Variants in HYDIN observed in about 807,000 individuals in gnomAD.
HYDIN encodes the protein HYDIN axonemal central pair apparatus protein.
In HYDIN, 132 loss-of-function variants were observed where a neutral mutation model predicts 403.9. The ratio of observed to expected loss-of-function variants is 0.33; its 90% CI spans 0.28 to 0.38. The LOEUF (loss-of-function observed/expected upper bound fraction) is 0.38, where lower values mean the gene tolerates loss of function less well. Ranked by LOEUF, HYDIN falls within the 10% of genes least tolerant of loss-of-function variation. The pLI is 1.00. For missense variants in HYDIN, 2,827 were observed against 5,009.5 expected (o/e 0.56, Z 13.15); for synonymous variants, 1,202 against 1,891.7 (o/e 0.64, Z 9.46).
At chr16:71,157,560 A>C (rs530859334) in intron 6 of HYDIN, among the ~76,000 whole-genome samples, 2 of 152,234 alleles carry the variant, frequency 1.3e-5, no homozygotes, top group South Asian at 2.1e-4. Flanking sequence ...CAGCGTTCTC[A>C]GTTGCAAACA....
chr16:70,897,530 G>A (rs1774443), intron 53 of HYDIN, among the ~76,000 whole-genome samples: 2 of 150,468 alleles, frequency 1.3e-5, no homozygotes, highest in African/African-American at 5.0e-5. Flanking sequence ...AGATGACAAG[G>A]TGGGCTGACA....
chr16:70,905,934 C>T (rs1207182214), intron 50 of HYDIN, among the ~76,000 whole-genome samples: 4 of 151,916 alleles, frequency 2.6e-5, no homozygotes, highest in African/African-American at 9.7e-5. Context: ...AAATTCCCTT[C>T]ATCTTCAATT....
chr16:70,991,925 C>G, intron 24 of HYDIN, 145 bp downstream of exon 24: 1 of 1,408,504 alleles, frequency 7.1e-7, no homozygotes, highest in South Asian at 1.4e-5. Context: ...GATGTCTAGT[C>G]TGGGGCCTAC....
At position 71,125,516 on chromosome 16, in the gene HYDIN, A is replaced by G. The variant is rs1217538261; in HGVS notation, c.1227+4124T>C. On this transcript the variant is annotated intron_variant, in intron 9 of 85. Coordinates refer to ENST00000393567, the MANE Select transcript of HYDIN (RefSeq NM_001270974.2). ...AGCATTTGTAGATCAAAAAGGATCA[A>G]TGTGACTTAACTGCAATACCCTGTT... 3.3e-5 allele frequency among the ~76,000 whole-genome samples: 5 copies of G among 152,190 alleles called. No individual in the cohort carries two copies. The South Asian group carries it at 8.3e-4, about 25-fold the overall frequency.
chr16:71,134,442 C>T (rs1054202724), intron 8 of HYDIN, among the ~76,000 whole-genome samples: 21 of 152,240 alleles, frequency 1.4e-4, no homozygotes, highest in East Asian at 1.2e-3. Context: ...AAGAGAATAA[C>T]GCCTGATTCA....
chr16:71,085,966 T>C (rs2082919694), intron 12 of HYDIN, among the ~76,000 whole-genome samples: 1 of 152,126 alleles, frequency 6.6e-6, no homozygotes, highest in African/African-American at 2.4e-5. Flanking sequence ...TCTGCCATTC[T>C]CTAACTTTTA....
intron 23 of HYDIN, among the ~76,000 whole-genome samples, chr16:71,003,862 C>T (rs149350767): frequency 6.6e-6 from 1 of 150,906 alleles, no homozygotes; most frequent in Non-Finnish European, 1.5e-5. Context: ...TCACTCGATT[C>T]TTTCATTAAT....
chr16:70,998,675 T>C (rs1422577124), intron 23 of HYDIN, among the ~76,000 whole-genome samples: 1 of 140,296 alleles, frequency 7.1e-6, no homozygotes, highest in Non-Finnish European at 1.5e-5. Flanking sequence ...GCAAATCTGC[T>C]CCAGATTAGG....
In HYDIN at chr16:71,178,433, A is replaced by AT. The variant is rs1567414160; in HGVS notation, c.381+494_381+495insA. Among the ~76,000 whole-genome samples the AT allele has an allele frequency of 9.7e-3, 813 of 84,064 alleles. 1 individual carries two copies. Among genetic ancestry groups the AT allele is most frequent in the African/African-American group, 0.026 (502 of 19,350 alleles). 55.1% of individuals were successfully genotyped at this position (84,064 alleles called of 152,430 possible). A position where few individuals can be genotyped will look rare whatever the true frequency, so the allele number is the denominator to read the frequency against. The stretch of plus-strand genomic sequence containing the variant: ...AAACTCTGTCTCAAAAAAAAAAAAA[A>AT]AATATATATATATATATATGTATAT... On this transcript the variant is annotated intron_variant, in intron 4 of 85. Coordinates refer to ENST00000393567, the MANE Select transcript of HYDIN (RefSeq NM_001270974.2).
chr16:70,941,375 C>T (rs2077666016), intron 43 of HYDIN: 5 of 290,246 alleles, frequency 1.7e-5, no homozygotes, highest in Non-Finnish European at 3.2e-5. Context: ...AATCAGTTGC[C>T]TGAGTCAGGA....
chr16:71,033,329 C>T (rs969804494), intron 18 of HYDIN, among the ~76,000 whole-genome samples: 1 of 152,226 alleles, frequency 6.6e-6, no homozygotes, highest in African/African-American at 2.4e-5. Flanking sequence ...GCTTAATTAT[C>T]AGGTGATGTG....
At position 71,179,704 on chromosome 16, in the gene HYDIN, T is replaced by C. The variant is rs75509149; in HGVS notation, c.262-657A>G. 6.8e-3 allele frequency among the ~76,000 whole-genome samples: 1,037 copies of C among 152,382 alleles called. 7 individuals carry two copies. Among genetic ancestry groups the C allele is most frequent in the African/African-American group, 0.024 (993 of 41,588 alleles). On this transcript the variant is annotated intron_variant, in intron 3 of 85. Coordinates refer to ENST00000393567, the MANE Select transcript of HYDIN (RefSeq NM_001270974.2). ...CTCATTTCCTGTTCTATTTTGATTT[T>C]AACAAAGTACTTGCTTTTTATTTAA...
intron 72 of HYDIN, among the ~76,000 whole-genome samples, chr16:70,856,012 G>GA: frequency 6.6e-6 from 1 of 150,494 alleles, no homozygotes; most frequent in Non-Finnish European, 1.5e-5. Context: ...TTAATTTTAG[G>GA]ACAACTAACA....
intron 9 of HYDIN, among the ~76,000 whole-genome samples, chr16:71,127,731 G>A (rs938354305): frequency 3.0e-4 from 46 of 152,304 alleles, no homozygotes; most frequent in South Asian, 1.5e-3. Context: ...GTCTTGGACC[G>A]CATGAACCTT....
At chr16:71,168,535 C>T (rs1001490551) in intron 5 of HYDIN, among the ~76,000 whole-genome samples, 1 of 150,644 alleles carries the variant, frequency 6.6e-6, no homozygotes, top group Non-Finnish European at 1.5e-5. Flanking sequence ...TTATCTTATA[C>T]AAAGAAGTCC....
At chr16:71,020,962 A>G (rs2080465988) in intron 21 of HYDIN, among the ~76,000 whole-genome samples, 1 of 151,678 alleles carries the variant, frequency 6.6e-6, no homozygotes, top group Non-Finnish European at 1.5e-5. Context: ...AACTATTATT[A>G]TAGGGCCTTC....
intron 7 of HYDIN, among the ~76,000 whole-genome samples, chr16:71,148,382 T>C (rs2085402078): frequency 1.3e-5 from 2 of 152,194 alleles, no homozygotes; most frequent in South Asian, 4.1e-4. Flanking sequence ...ATGTCTAGCC[T>C]GTGGAAGAAA....
intron 28 of HYDIN, among the ~76,000 whole-genome samples, 184 bp from the exon 29 acceptor site, chr16:70,981,752 C>T (rs573695828): frequency 5.1e-4 from 77 of 152,190 alleles, no homozygotes; most frequent in African/African-American, 1.7e-3. Flanking sequence ...CAAACTGGTT[C>T]TTTGAAAAAA....
At chr16:70,898,102 GAAGTTGCA>G (rs2076259452) in intron 53 of HYDIN, among the ~76,000 whole-genome samples, 1 of 152,160 alleles carries the variant, frequency 6.6e-6, no homozygotes, top group Non-Finnish European at 1.5e-5. Flanking sequence ...CCAGGAGGTG[GAAGTTGCA>G]GTGAGCTGAG....
Sources: allele counts gnomAD v4.1 joint callset (sites outside exome capture counted in the v4.1 genomes callset), GRCh38; gene constraint gnomAD v4.1.1; transcripts MANE v1.5; gene names NCBI Gene and HGNC (gene_info 2026-07-23, HGNC 2026-07-21).